RIMS2: variants seen among roughly 807,000 people sequenced by gnomAD.
RIMS2 encodes regulating synaptic membrane exocytosis 2, also known as regulating synaptic membrane exocytosis protein 2.
Under a neutral mutation model 174.4 loss-of-function variants are expected in RIMS2, and 59 were observed. That is an observed-to-expected ratio of 0.34 (90% CI 0.27 to 0.42). The LOEUF (loss-of-function observed/expected upper bound fraction) is 0.42. Ranked by LOEUF, RIMS2 falls within the 10% of genes least tolerant of loss-of-function variation. The probability of loss-of-function intolerance (pLI) is 1.00; values close to 1 mark genes in which losing one functional copy is unlikely to be tolerated. For synonymous variants in RIMS2, 606 were observed against 572.5 expected, an observed-to-expected ratio of 1.06 and a Z score of -0.84; for missense variants, 1,620 against 1,666.3, an observed-to-expected ratio of 0.97 and a Z score of 0.48.
chr8:103,910,379 CA>C, intron 5 of RIMS2: 1 of 1,596,822 alleles, frequency 6.3e-7, no homozygotes, highest in Non-Finnish European at 8.5e-7. Context: ...CGGACTCTAA[CA>C]CCAGGTCTGA....
intron 1 of RIMS2, among the ~76,000 whole-genome samples, chr8:103,641,686 G>A (rs2096234588): frequency 6.6e-6 from 1 of 152,008 alleles, no homozygotes; most frequent in African/African-American, 2.4e-5. Flanking sequence ...TCTTGGGGGT[G>A]GAGGGTAAGT....
chr8:103,833,107 T>C (rs778920863), intron 3 of RIMS2, among the ~76,000 whole-genome samples: 4 of 152,242 alleles, frequency 2.6e-5, no homozygotes, highest in Non-Finnish European at 4.4e-5. Context: ...GTGAATATTT[T>C]TGGTGGAAAT....
intron 19 of RIMS2, among the ~76,000 whole-genome samples, chr8:104,177,983 A>G (rs563146220): frequency 2.6e-4 from 40 of 152,282 alleles, no homozygotes; most frequent in African/African-American, 9.4e-4. Flanking sequence ...TGTCTACCAT[A>G]TGGAAGCAGA....
At chr8:103,744,338 C>A (rs1264787809) in intron 2 of RIMS2, among the ~76,000 whole-genome samples, 1 of 152,082 alleles carries the variant, frequency 6.6e-6, no homozygotes, top group Non-Finnish European at 1.5e-5. Context: ...GCCACCACGC[C>A]CAGCTAGGAT....
chr8:103,994,624 A>G lies in RIMS2; in HGVS notation c.3044+5203A>G, dbSNP rs368152905. Among the ~76,000 whole-genome samples the G allele has an allele frequency of 3.0e-4, 45 of 152,282 alleles. No homozygotes were observed. In the South Asian group the frequency reaches 8.5e-3, roughly 29 times the overall value. ...TTTTAAGGTTGTACCAAGTGGATGC[A>G]GCAAAGGACCTTGAGTATGGCTGTG... On this transcript the variant is annotated intron_variant, in intron 17 of 23. Transcript: ENST00000504942.
At chr8:103,885,628 A>G (rs752335393) in exon 4 of RIMS2, 2 of 1,613,132 alleles carry the variant, frequency 1.2e-6, no homozygotes, top group Non-Finnish European at 1.7e-6. Context: ...CCCGTTATCC[A>G]GTAAAGCCAC....
exon 2 of RIMS2, chr8:103,697,180 A>C (rs1044087340): frequency 6.2e-7 from 1 of 1,613,576 alleles, no homozygotes; most frequent in East Asian, 2.2e-5. Context: ...TGATGCGCCA[A>C]CCTGTGGTAT....
intron 1 of RIMS2, among the ~76,000 whole-genome samples, chr8:103,614,743 C>A (rs892550145): frequency 1.8e-4 from 28 of 152,324 alleles, no homozygotes; most frequent in Admixed American, 8.5e-4. Context: ...CTTAGTATAT[C>A]TTTCTACCTC....
At chr8:103,538,453 A>G (rs1840893072) in intron 1 of RIMS2, among the ~76,000 whole-genome samples, 1 of 151,980 alleles carries the variant, frequency 6.6e-6, no homozygotes, top group African/African-American at 2.4e-5. Context: ...ACACTGCACC[A>G]TACTTGTTGT....
At chr8:103,887,655 G>A (rs901819584) in intron 4 of RIMS2, among the ~76,000 whole-genome samples, 2 of 151,058 alleles carry the variant, frequency 1.3e-5, no homozygotes, top group African/African-American at 4.9e-5. Flanking sequence ...TTTGTTTATC[G>A]AATCAACAGG....
chr8:103,837,480 G>A (rs563559985), intron 3 of RIMS2, among the ~76,000 whole-genome samples: 11 of 152,214 alleles, frequency 7.2e-5, no homozygotes, highest in East Asian at 1.9e-4. Context: ...CCATTAACTC[G>A]TCATTTAACA....
chr8:103,500,915 G>T, exon 1 of RIMS2: 1 of 1,605,330 alleles, frequency 6.2e-7, no homozygotes, highest in Non-Finnish European at 8.5e-7. Flanking sequence ...CCCCGGGGCC[G>T]CCTGGCTCCC....
chr8:104,009,796 T>C (rs1565826025), intron 17 of RIMS2, among the ~76,000 whole-genome samples: 1 of 152,174 alleles, frequency 6.6e-6, no homozygotes, highest in Non-Finnish European at 1.5e-5. Flanking sequence ...TTACATTTAC[T>C]TATGACATCT....
intron 19 of RIMS2, among the ~76,000 whole-genome samples, chr8:104,168,531 T>C (rs929844910): frequency 6.6e-6 from 1 of 152,150 alleles, no homozygotes; most frequent in South Asian, 2.1e-4. Context: ...TGAGACTTTC[T>C]TGAATTTGTT....
intron 5 of RIMS2, 109 bp from the exon 8 acceptor site, chr8:103,910,212 T>G (rs757007996): frequency 6.3e-7 from 1 of 1,587,210 alleles, no homozygotes; most frequent in African/African-American, 1.4e-5. Context: ...GTGAGACATG[T>G]GGAGCCTTAC....
intron 3 of RIMS2, among the ~76,000 whole-genome samples, chr8:103,861,431 A>G (rs924311960): frequency 6.6e-6 from 1 of 152,144 alleles, no homozygotes; most frequent in Admixed American, 6.6e-5. Context: ...AATTAATGCT[A>G]TAACAAACAT....
intron 17 of RIMS2, among the ~76,000 whole-genome samples, chr8:103,994,342 T>C (rs2094931604): frequency 6.6e-6 from 1 of 152,184 alleles, no homozygotes; most frequent in Non-Finnish European, 1.5e-5. Context: ...TAATTTTTTA[T>C]CATGAGCCTT....
At chr8:103,967,851 C>CCTTTTTT (rs1299977306) in intron 15 of RIMS2, among the ~76,000 whole-genome samples, 31 of 109,554 alleles carry the variant, frequency 2.8e-4, no homozygotes, top group Non-Finnish European at 4.6e-4. Flanking sequence ...CCTACTCCTG[C>CCTTTTTT]TTTTTTTTTT....
intron 2 of RIMS2, among the ~76,000 whole-genome samples, chr8:103,723,272 A>G (rs770094992): frequency 5.3e-5 from 8 of 152,196 alleles, no homozygotes; most frequent in Non-Finnish European, 1.2e-4. Context: ...TGTTTCTCTG[A>G]TTATTCACGA....
Sources: gnomAD v4.1 joint callset for allele counts (sites outside exome capture counted in the v4.1 genomes callset) on GRCh38, gnomAD v4.1.1 for gene constraint, MANE v1.5 for transcripts, NCBI Gene and HGNC (gene_info 2026-07-23, HGNC 2026-07-21) for gene names.